MED27: variants seen among roughly 807,000 people sequenced by gnomAD.
MED27 encodes mediator of RNA polymerase II transcription subunit 27.
A neutral mutation model predicts 38.2 loss-of-function variants in MED27; 30 were observed. The observed-to-expected ratio is 0.79, with a 90% CI of 0.59 to 1.07. MED27 has a LOEUF of 1.07. Among genes scored for constraint, MED27 ranks in the 50% least tolerant of loss-of-function variants. MED27 has a pLI of 0.00. For synonymous variants in MED27, 122 were observed against 153.5 expected, an observed-to-expected ratio of 0.79 and a Z score of 1.52; for missense variants, 289 against 397.5, an observed-to-expected ratio of 0.73 and a Z score of 2.32.
At chr9:131,925,602 T>G (rs1830469333) in intron 4 of MED27, among the ~76,000 whole-genome samples, 1 of 152,258 alleles carries the variant, frequency 6.6e-6, no homozygotes, top group East Asian at 1.9e-4. Flanking sequence ...AAACACAAAA[T>G]GTTCAGTGAA....
chr9:131,884,992 C>T (rs1353712114), intron 5 of MED27, among the ~76,000 whole-genome samples: 1 of 152,214 alleles, frequency 6.6e-6, no homozygotes, highest in East Asian at 1.9e-4. Flanking sequence ...TTGTTTCCTG[C>T]CTGACTTGCC....
rs1327557437 is a variant in MED27 at position 131,883,680 on chromosome 9, G to A, written c.723+378C>T. ...TTTTTGGAACATCTCAAAAACCTAT[G>A]GTTTTCCTAAGGTATAATTTACATA... On this transcript the variant is annotated intron_variant, in intron 6 of 7. Coordinates refer to ENST00000292035, the MANE Select transcript of MED27 (RefSeq NM_004269.4). The surrounding 1 kb of genome is among the most constrained non-coding windows in gnomAD (Gnocchi z 4.2). Among the ~76,000 whole-genome samples the A allele has an allele frequency of 6.6e-6, 1 of 152,130 alleles. No individual in the cohort carries two copies. The highest frequency in any genetic ancestry group is 1.5e-5 in the Non-Finnish European group (1 of 68,042).
chr9:131,953,913 G>A (rs982119188), intron 3 of MED27, among the ~76,000 whole-genome samples: 1 of 151,288 alleles, frequency 6.6e-6, no homozygotes, highest in Non-Finnish European at 1.5e-5. Context: ...TGCCTCCCGG[G>A]TTCAAGTGAT....
chr9:132,050,671 T>G (rs983154966), intron 2 of MED27, among the ~76,000 whole-genome samples: 1 of 152,206 alleles, frequency 6.6e-6, no homozygotes, highest in Non-Finnish European at 1.5e-5. Flanking sequence ...CAGTTTCCTC[T>G]GCTGGAAGGC....
intron 2 of MED27, among the ~76,000 whole-genome samples, chr9:132,052,078 G>A (rs960228416): frequency 7.2e-5 from 11 of 152,086 alleles, no homozygotes; most frequent in Non-Finnish European, 1.3e-4. Flanking sequence ...GGTGGGCAGC[G>A]GCATAGCTCT....
At chr9:132,012,678 C>T (rs759594741) in intron 3 of MED27, among the ~76,000 whole-genome samples, 8 of 152,174 alleles carry the variant, frequency 5.3e-5, no homozygotes, top group Non-Finnish European at 8.8e-5. Flanking sequence ...CCCTATTTAA[C>T]AGTATCCCCC....
At chr9:131,976,221 G>A (rs975988526) in intron 3 of MED27, among the ~76,000 whole-genome samples, 2 of 152,078 alleles carry the variant, frequency 1.3e-5, no homozygotes, top group African/African-American at 2.4e-5. Context: ...AAAAAATGGC[G>A]GTGAACTAAA....
intron 3 of MED27, among the ~76,000 whole-genome samples, chr9:131,978,961 A>G (rs1831673143): frequency 6.6e-6 from 1 of 152,192 alleles, no homozygotes; most frequent in African/African-American, 2.4e-5. Flanking sequence ...CCTTTATACT[A>G]CAAAGCCCTA....
intron 3 of MED27, among the ~76,000 whole-genome samples, chr9:131,984,096 G>A (rs997462007): frequency 2.6e-5 from 4 of 152,044 alleles, no homozygotes; most frequent in African/African-American, 9.7e-5. Context: ...ACCTACCCTA[G>A]AGACCTACAC....
intron 3 of MED27, among the ~76,000 whole-genome samples, chr9:131,953,964 C>A (rs1260958365): frequency 6.6e-6 from 1 of 151,974 alleles, no homozygotes; most frequent in Non-Finnish European, 1.5e-5. Flanking sequence ...ATTACAGGCC[C>A]CTACCACCAC....
At chr9:131,945,080 T>C (rs966121733) in intron 3 of MED27, among the ~76,000 whole-genome samples, 1 of 147,022 alleles carries the variant, frequency 6.8e-6, no homozygotes, top group Non-Finnish European at 1.5e-5. Flanking sequence ...TATATAAATA[T>C]ATATAAATAA....
At chr9:131,951,975 A>G (rs1210234703) in intron 3 of MED27, among the ~76,000 whole-genome samples, 2 of 152,188 alleles carry the variant, frequency 1.3e-5, no homozygotes, top group Admixed American at 1.3e-4. Flanking sequence ...GACTGTTCAT[A>G]TTTGGCATGA....
intron 3 of MED27, among the ~76,000 whole-genome samples, chr9:131,999,097 C>T (rs765642722): frequency 2.0e-5 from 3 of 152,116 alleles, no homozygotes; most frequent in Non-Finnish European, 2.9e-5. Flanking sequence ...GTTTCTTCTC[C>T]GGGGACATTA....
intron 2 of MED27, among the ~76,000 whole-genome samples, chr9:132,070,334 T>C (rs1046716774): frequency 1.3e-5 from 2 of 152,232 alleles, no homozygotes; most frequent in African/African-American, 4.8e-5. Context: ...GGCTGGAGGA[T>C]GGCTTGAACC....
chr9:131,912,793 G>C (rs559360198), intron 4 of MED27, among the ~76,000 whole-genome samples: 1 of 152,296 alleles, frequency 6.6e-6, no homozygotes, highest in Non-Finnish European at 1.5e-5. Flanking sequence ...CACTCTGGTA[G>C]ATCATATATA....
At chr9:131,938,448 A>G (rs1001188281) in intron 4 of MED27, among the ~76,000 whole-genome samples, 1 of 152,268 alleles carries the variant, frequency 6.6e-6, no homozygotes, top group Non-Finnish European at 1.5e-5. Flanking sequence ...ATTATTACAC[A>G]GACCACTAGA....
At chr9:132,030,296 T>G (rs1336031108) in intron 2 of MED27, among the ~76,000 whole-genome samples, 1 of 152,214 alleles carries the variant, frequency 6.6e-6, no homozygotes, top group East Asian at 1.9e-4. Context: ...GAGTCTCTGC[T>G]TCTTTGAAAA....
At chr9:131,958,864 C>G (rs985999056) in intron 3 of MED27, among the ~76,000 whole-genome samples, 2 of 152,194 alleles carry the variant, frequency 1.3e-5, no homozygotes, top group Non-Finnish European at 2.9e-5. Context: ...TCAGAGATAG[C>G]TGGAGAGGAG....
At chr9:131,897,740 A>G (rs779376038) in intron 4 of MED27, among the ~76,000 whole-genome samples, 3 of 152,212 alleles carry the variant, frequency 2.0e-5, no homozygotes, top group Non-Finnish European at 4.4e-5. Context: ...TTACTCGTGT[A>G]TATGTTTTTA....
Sources: gnomAD v4.1 joint callset for allele counts (sites outside exome capture counted in the v4.1 genomes callset) on GRCh38, gnomAD v4.1.1 for gene constraint, Gnocchi (gnomAD v3.1) non-coding constraint, MANE v1.5 for transcripts, NCBI Gene and HGNC (gene_info 2026-07-23, HGNC 2026-07-21) for gene names.